FDFT1: variants seen among roughly 807,000 people sequenced by gnomAD.
FDFT1 encodes the protein squalene synthase.
Under a neutral mutation model 46.8 loss-of-function variants are expected in FDFT1, and 68 were observed. The observed-to-expected ratio is 1.45, with a 90% confidence interval of 1.19 to 1.78. FDFT1 has a LOEUF of 1.78. FDFT1 is among the 40% of genes most tolerant of loss of function. The pLI is 0.00. For missense variants in FDFT1, 928 were observed against 524.4 expected (o/e 1.77, Z -7.52); for synonymous variants, 351 against 185.1 (o/e 1.90, Z -7.28).
At chr8:11,834,599 G>A (rs907888154) in intron 7 of FDFT1, among the ~76,000 whole-genome samples, 3 of 152,056 alleles carry the variant, frequency 2.0e-5, no homozygotes, top group Non-Finnish European at 4.4e-5. Context: ...CAAACGTATC[G>A]AATCAGAATC....
intron 3 of FDFT1, among the ~76,000 whole-genome samples, chr8:11,820,008 G>A (rs1808999906): frequency 6.6e-6 from 1 of 152,032 alleles, no homozygotes; most frequent in Non-Finnish European, 1.5e-5. Context: ...CTTTGATTTT[G>A]GTGACGTACA....
chr8:11,798,216 C>G (rs953275880), upstream of FDFT1: 3 of 152,200 alleles, frequency 2.0e-5, no homozygotes, highest in Non-Finnish European at 2.9e-5. Flanking sequence ...CCCACAACCA[C>G]GCTCAGCTAA....
At chr8:11,821,616 ATG>A in intron 3 of FDFT1, 132 bp from the exon 4 acceptor site, 1 of 1,060,248 alleles carries the variant, frequency 9.4e-7, no homozygotes. Context: ...AACAAAAAAA[ATG>A]TGTGACCTAA....
At chr8:11,808,068 G>A (rs1807093384) in intron 1 of FDFT1, 1 of 173,496 alleles carries the variant, frequency 5.8e-6, no homozygotes, top group Admixed American at 6.5e-5. Context: ...AGGGGGATGT[G>A]GAACCTAATC....
At chr8:11,832,659 C>T (rs997639832) in intron 7 of FDFT1, among the ~76,000 whole-genome samples, 2 of 150,376 alleles carry the variant, frequency 1.3e-5, no homozygotes, top group Non-Finnish European at 3.0e-5. Context: ...TGATTTGCTC[C>T]CCTCCCCCCA....
chr8:11,811,155 T>A (rs151048647), intron 3 of FDFT1, among the ~76,000 whole-genome samples: 2 of 152,154 alleles, frequency 1.3e-5, no homozygotes, highest in East Asian at 3.8e-4. Context: ...GAATTAGAAC[T>A]GTAACCCTGG....
rs1193882935 is a variant in FDFT1, at chr8:11,808,911, C to A, written c.197+20C>A. The stretch of plus-strand genomic sequence containing the variant: ...AATGCGGTGAGTGATGGAGGCAGCG[C>A]CTCTGGCTTGGAGGAAAGCTTGTCC... On this transcript the variant is annotated intron_variant, in intron 2 of 7. Transcript: ENST00000220584. 3.1e-6 allele frequency: 5 copies of A among 1,609,708 alleles called. No homozygotes were observed. In the South Asian group the frequency reaches 5.5e-5, roughly 18 times the overall value.
At chr8:11,838,324 T>G in intron 7 of FDFT1, 64 bp from the exon 8 acceptor site, 1 of 1,286,218 alleles carries the variant, frequency 7.8e-7, no homozygotes, top group Non-Finnish European at 1.1e-6. Context: ...GGAGGGTTGT[T>G]GTAAGTAGCC....
chr8:11,807,483 G>A lies in FDFT1; in HGVS notation c.100-1311G>A, dbSNP rs1807012395. ...CGGCCCTGTTGGATAAATGATTCCA[G>A]TCTCTCCCAAAAAGAACTGTTGTAA... On this transcript the variant is annotated intron_variant, in intron 1 of 7. Transcript: ENST00000220584. Among the ~76,000 whole-genome samples, 3 of 152,272 alleles carry A rather than the reference G, an allele frequency of 2.0e-5. No individual in the cohort carries two copies. In the South Asian group the frequency reaches 6.2e-4, roughly 32 times the overall value.
chr8:11,800,200 G>A (rs1346575157), upstream of FDFT1, among the ~76,000 whole-genome samples: 1 of 146,274 alleles, frequency 6.8e-6, no homozygotes, highest in Non-Finnish European at 1.5e-5. Context: ...GGCAGAGGTG[G>A]CAGTGAACCG....
intron 6 of FDFT1, among the ~76,000 whole-genome samples, chr8:11,830,976 A>C (rs1298295): frequency 0.66 from 100,871 of 152,084 alleles, 34,502 homozygotes; most frequent in Middle Eastern, 0.76. Context: ...TCTAATGACC[A>C]ACTTCGAATG....
rs969055560 is a variant in FDFT1 at position 11,831,587 on chromosome 8, C to T, written c.949C>T (p.Arg317Trp). The change falls in exon 7 of 8, where the codon CGG becomes TGG. Residue 317 changes from arginine to tryptophan, a missense_variant. Arg to Trp is a moderately radical substitution (Grantham distance 101). Coordinates refer to ENST00000220584, the MANE Select transcript of FDFT1 (RefSeq NM_004462.5). ...GGTGTTCAAAGGGGCAGTGAAGATT[C>T]GGAAAGGGCAAGCAGTGACCCTGAT... ...QQVFKGAVKIRKGQAVTLMMD... is the reference protein window; with the variant it reads ...QQVFKGAVKIWKGQAVTLMMD... 9 of 1,613,966 alleles carry T rather than the reference C, an allele frequency of 5.6e-6. No homozygotes were observed. The highest frequency in any genetic ancestry group is 7.6e-6 in the Non-Finnish European group (9 of 1,179,862).
intron 1 of FDFT1, chr8:11,808,525 C>T (rs1563300619): frequency 6.7e-6 from 9 of 1,333,650 alleles, no homozygotes; most frequent in Non-Finnish European, 8.6e-6. Flanking sequence ...CCCATGGCCG[C>T]AGCCGCCTGC....
chr8:11,832,993 C>G (rs967045800), intron 7 of FDFT1, among the ~76,000 whole-genome samples: 1 of 152,190 alleles, frequency 6.6e-6, no homozygotes, highest in Non-Finnish European at 1.5e-5. Context: ...TCTGATTTCT[C>G]TTGCATATTG....
intron 3 of FDFT1, among the ~76,000 whole-genome samples, chr8:11,810,242 A>G (rs1262904429): frequency 2.0e-5 from 3 of 152,202 alleles, no homozygotes; most frequent in East Asian, 1.9e-4. Context: ...GACGCAGTCA[A>G]ATTTTAGTGT....
intron 7 of FDFT1, among the ~76,000 whole-genome samples, chr8:11,834,475 G>C (rs1811272755): frequency 6.6e-6 from 1 of 152,206 alleles, no homozygotes; most frequent in African/African-American, 2.4e-5. Context: ...CTGTGGTTAA[G>C]TCAGAGAATC....
Position 11,809,667 on chromosome 8 carries a change from C to T in FDFT1, c.198C>T (p.Arg66=). The T allele has an allele frequency of 1.2e-6, 2 of 1,602,288 alleles. No homozygotes were observed. Among genetic ancestry groups the T allele is most frequent in the African/African-American group, 1.3e-5 (1 of 74,354 alleles). ...AVIQALDGEM[R]NAVCIFYLVL... is the part of the protein sequence containing the mutation. ...ATTAATAGTTTTCCCTTTTTTACAG[C>T]AACGCAGTGTGCATATTTTATCTGG... Residue 66 remains arginine (R), a splice_region_variant and synonymous_variant, in exon 3 of 8, where the codon CGC becomes CGT. Transcript: ENST00000220584.
chr8:11,803,404 C>T (rs1306171001), intron 1 of FDFT1: 1 of 1,289,500 alleles, frequency 7.8e-7, no homozygotes, highest in Non-Finnish European at 1.0e-6. Context: ...CCCCGCCTTG[C>T]TGCCTTCCAT....
At position 11,831,172 on chromosome 8, in the gene FDFT1, A is replaced by G. The variant is rs1267499726; in HGVS notation, c.880-346A>G. Among the ~76,000 whole-genome samples the G allele has an allele frequency of 2.6e-5, 4 of 152,338 alleles. No individual in the cohort carries two copies. In the East Asian group the frequency reaches 5.8e-4, roughly 22 times the overall value. The stretch of plus-strand genomic sequence containing the variant: ...AACTACAATAGAAAATTCTTCCCAT[A>G]TATTATTTTGAAATACATATTTCCG... On this transcript the variant is annotated intron_variant, in intron 6 of 7. Transcript: ENST00000220584.
Sources: allele counts gnomAD v4.1 joint callset (sites outside exome capture counted in the v4.1 genomes callset), GRCh38; gene constraint gnomAD v4.1.1; transcripts MANE v1.5; gene names NCBI Gene and HGNC (gene_info 2026-07-23, HGNC 2026-07-21).